The following LGR5 variants were observed in gnomAD, a reference collection of about 807,000 sequenced individuals.
LGR5 encodes leucine-rich repeat-containing G protein-coupled receptor 5.
A neutral mutation model predicts 76.7 loss-of-function variants in LGR5; 54 were observed. The observed-to-expected ratio is 0.70, with a 90% confidence interval of 0.57 to 0.88. The LOEUF (loss-of-function observed/expected upper bound fraction) is 0.88, where lower values mean the gene tolerates loss of function less well. LGR5 is among the 40% of genes least tolerant of loss of function. The pLI is 0.00. For synonymous variants in LGR5, 406 were observed against 421.9 expected, an observed-to-expected ratio of 0.96 and a Z score of 0.46; for missense variants, 1,078 against 1,073.3, an observed-to-expected ratio of 1.00 and a Z score of -0.06.
At chr12:71,547,032 G>A (rs775795364) in intron 4 of LGR5, among the ~76,000 whole-genome samples, 18 of 152,034 alleles carry the variant, frequency 1.2e-4, no homozygotes, top group Non-Finnish European at 2.1e-4. Flanking sequence ...GAGTAATTGC[G>A]GAGTCTTCAA....
At chr12:71,569,169 A>G (rs942266291) in intron 11 of LGR5, among the ~76,000 whole-genome samples, 1 of 152,250 alleles carries the variant, frequency 6.6e-6, no homozygotes, top group African/African-American at 2.4e-5. Context: ...CTCAAGATGG[A>G]TTAAGACTTA....
At chr12:71,549,086 T>C (rs1294140985) in intron 4 of LGR5, among the ~76,000 whole-genome samples, 1 of 152,242 alleles carries the variant, frequency 6.6e-6, no homozygotes, top group Non-Finnish European at 1.5e-5. Flanking sequence ...ATTGACGTAA[T>C]ATGAACTCTT....
At chr12:71,546,598 C>G (rs1041378802) in intron 4 of LGR5, among the ~76,000 whole-genome samples, 2 of 151,946 alleles carry the variant, frequency 1.3e-5, no homozygotes, top group Admixed American at 1.3e-4. Context: ...CATAGTAGGC[C>G]CTTCCTCACC....
At chr12:71,538,065 T>A (rs1446851286) in intron 4 of LGR5, among the ~76,000 whole-genome samples, 1 of 152,246 alleles carries the variant, frequency 6.6e-6, no homozygotes, top group Non-Finnish European at 1.5e-5. Flanking sequence ...ATTGTCTTTA[T>A]ACATGCCTGG....
chr12:71,491,957 C>T (rs1318332250), intron 1 of LGR5, among the ~76,000 whole-genome samples: 2 of 151,794 alleles, frequency 1.3e-5, no homozygotes. Flanking sequence ...ATTATAGTGA[C>T]TAGTACAAGT....
rs573774925 is a variant in LGR5 at position 71,582,274 on chromosome 12, T to C, written c.1553-182T>C. 7.2e-6 allele frequency: 4 copies of C among 553,142 alleles called. No individual in the cohort carries two copies. The South Asian group carries it at 8.4e-5, about 12-fold the overall frequency. The allele number at this position is 553,142 out of a possible 1,614,324, so 34.3% of individuals were successfully genotyped here. A position where few individuals can be genotyped will look rare whatever the true frequency, so the allele number is the denominator to read the frequency against. On this transcript the variant is annotated intron_variant, in intron 16 of 17. Transcript: ENST00000266674. The stretch of plus-strand genomic sequence containing the variant: ...CTCACCCCCAGTTGTACTAGAATAG[T>C]ATGTCATAGCAGCTTGAGTCAAACA...
intron 1 of LGR5, among the ~76,000 whole-genome samples, chr12:71,481,030 C>T (rs1203689739): frequency 2.0e-5 from 3 of 152,310 alleles, no homozygotes; most frequent in African/African-American, 2.4e-5. Context: ...CAACCAGCAA[C>T]GGCTTTTTGA....
chr12:71,581,192 A>G (rs908045636), intron 16 of LGR5, among the ~76,000 whole-genome samples: 5 of 152,250 alleles, frequency 3.3e-5, no homozygotes, highest in African/African-American at 1.2e-4. Flanking sequence ...ATTTCAGCAG[A>G]AGGGCTAAAG....
Position 71,440,434 on chromosome 12 carries a change from G to T in LGR5, c.212+142G>T. On this transcript the variant is annotated intron_variant, in intron 1 of 17. Coordinates refer to ENST00000266674, the MANE Select transcript of LGR5 (RefSeq NM_003667.4). This position sits in a 1 kb window ranked among gnomAD's most constrained non-coding sequence, Gnocchi z 5.3. Reference sequence around the variant, plus strand: ...TGTCAAGGGCATCCTGGCCAGGCCTGTTAGGGCCCCCAGAGAAATGCACGT... The same window carrying T: ...TGTCAAGGGCATCCTGGCCAGGCCTTTTAGGGCCCCCAGAGAAATGCACGT... The T allele has an allele frequency of 1.3e-6, 1 of 747,278 alleles. No individual in the cohort carries two copies. The highest frequency in any genetic ancestry group is 2.3e-6 in the Non-Finnish European group (1 of 444,270). The allele number at this position is 747,278 out of a possible 1,614,324, so 46.3% of individuals were successfully genotyped here.
intron 8 of LGR5, among the ~76,000 whole-genome samples, chr12:71,563,287 T>A (rs1351703390): frequency 6.6e-5 from 10 of 152,144 alleles, no homozygotes. Context: ...CCACTCCTCA[T>A]TTCCACCTCT....
At chr12:71,507,936 A>G (rs1387843325) in intron 2 of LGR5, among the ~76,000 whole-genome samples, 2 of 152,024 alleles carry the variant, frequency 1.3e-5, no homozygotes, top group Non-Finnish European at 2.9e-5. Context: ...AAAAATCACT[A>G]TCAGCTGGGT....
At chr12:71,520,927 T>G (rs1398814084) in intron 2 of LGR5, among the ~76,000 whole-genome samples, 1 of 151,220 alleles carries the variant, frequency 6.6e-6, no homozygotes, top group East Asian at 2.0e-4. Flanking sequence ...AAAATGCTAC[T>G]GAATCTACAC....
chr12:71,528,109 A>T (rs187815469), intron 3 of LGR5, among the ~76,000 whole-genome samples: 6 of 152,366 alleles, frequency 3.9e-5, no homozygotes, highest in Non-Finnish European at 5.9e-5. Context: ...CTTAGTTTAT[A>T]CATCCTGTCT....
At chr12:71,474,913 T>G (rs1873260670) in intron 1 of LGR5, among the ~76,000 whole-genome samples, 1 of 152,182 alleles carries the variant, frequency 6.6e-6, no homozygotes, top group South Asian at 2.1e-4. Context: ...TAAATTGCCT[T>G]TGGGGTGTAC....
chr12:71,455,704 A>T (rs1872443007), intron 1 of LGR5, among the ~76,000 whole-genome samples: 2 of 152,176 alleles, frequency 1.3e-5, no homozygotes, highest in Admixed American at 1.3e-4. Flanking sequence ...CAGTAGTGCT[A>T]ACTTCATAAA....
At chr12:71,447,059 A>G (rs1172201388) in intron 1 of LGR5, among the ~76,000 whole-genome samples, 1 of 152,250 alleles carries the variant, frequency 6.6e-6, no homozygotes, top group African/African-American at 2.4e-5. Context: ...GTTCAGACAG[A>G]CATGAACTTT....
chr12:71,545,474 C>G (rs1463712953), intron 4 of LGR5, among the ~76,000 whole-genome samples: 1 of 152,042 alleles, frequency 6.6e-6, no homozygotes, highest in East Asian at 1.9e-4. Flanking sequence ...AAATAAAATG[C>G]TCATCCAAAT....
At chr12:71,522,076 GA>G (rs2137337242) in intron 2 of LGR5, among the ~76,000 whole-genome samples, 1 of 152,298 alleles carries the variant, frequency 6.6e-6, no homozygotes, top group African/African-American at 2.4e-5. Context: ...CAAAGGGCTA[GA>G]GGGGGGAATG....
At chr12:71,487,403 T>C (rs1335892004) in intron 1 of LGR5, among the ~76,000 whole-genome samples, 3 of 152,148 alleles carry the variant, frequency 2.0e-5, no homozygotes, top group Non-Finnish European at 4.4e-5. Flanking sequence ...ACAGTACTTT[T>C]AGTGATTTTT....
Sources: allele counts gnomAD v4.1 joint callset (sites outside exome capture counted in the v4.1 genomes callset), GRCh38; gene constraint gnomAD v4.1.1; non-coding constraint Gnocchi (gnomAD v3.1); transcripts MANE v1.5; gene names NCBI Gene and HGNC (gene_info 2026-07-23, HGNC 2026-07-21).